Variants in FRMPD2 observed in about 807,000 individuals in gnomAD.
FRMPD2 encodes the protein FERM and PDZ domain-containing protein 2.
In FRMPD2, 96 loss-of-function variants were observed where a neutral mutation model predicts 140.1. The ratio of observed to expected loss-of-function variants is 0.69; its 90% CI spans 0.58 to 0.81. The LOEUF (loss-of-function observed/expected upper bound fraction) is 0.81. FRMPD2 is among the 40% of genes least tolerant of loss of function. The pLI is 0.00. For synonymous variants in FRMPD2, 449 were observed against 547.6 expected, an observed-to-expected ratio of 0.82 and a Z score of 2.52; for missense variants, 1,240 against 1,447.4, an observed-to-expected ratio of 0.86 and a Z score of 2.32.
chr10:48,186,228 G>A (rs138518188), intron 17 of FRMPD2, among the ~76,000 whole-genome samples: 2 of 152,308 alleles, frequency 1.3e-5, no homozygotes, highest in African/African-American at 2.4e-5. Context: ...GTGCCACAGT[G>A]TACTTGGGAA....
intron 13 of FRMPD2, among the ~76,000 whole-genome samples, chr10:48,209,790 T>C (rs1169123872): frequency 6.6e-6 from 1 of 152,172 alleles, no homozygotes; most frequent in Non-Finnish European, 1.5e-5. Flanking sequence ...GAAGCAGAAA[T>C]ACAGCTAAGA....
chr10:48,195,614 A>T (rs1838933520), intron 15 of FRMPD2, among the ~76,000 whole-genome samples: 1 of 152,224 alleles, frequency 6.6e-6, no homozygotes, highest in African/African-American at 2.4e-5. Flanking sequence ...CTGGTACCCA[A>T]CAATTACACT....
chr10:48,187,069 C>A, intron 17 of FRMPD2, 123 bp downstream of exon 17: 2 of 647,206 alleles, frequency 3.1e-6, no homozygotes, highest in Non-Finnish European at 2.7e-6. Flanking sequence ...GAAAACAATT[C>A]AAAAAACAAG....
intron 12 of FRMPD2, 60 bp downstream of exon 12, chr10:48,222,253 C>G: frequency 6.4e-7 from 1 of 1,569,098 alleles, no homozygotes; most frequent in East Asian, 2.2e-5. Flanking sequence ...AACACATGCC[C>G]TCATCCTGTA....
chr10:48,252,311 G>A (rs1840404257), intron 1 of FRMPD2, among the ~76,000 whole-genome samples: 1 of 152,138 alleles, frequency 6.6e-6, no homozygotes, highest in African/African-American at 2.4e-5. Context: ...CTCTCTTCTG[G>A]TAAGCAGGGC....
intron 22 of FRMPD2, chr10:48,176,437 C>T (rs543921849): frequency 6.4e-6 from 1 of 155,580 alleles, no homozygotes; most frequent in East Asian, 1.9e-4. Context: ...CATTTTTCTA[C>T]ATTCCACCAG....
chr10:48,190,284 T>C (rs1838797699), intron 16 of FRMPD2, among the ~76,000 whole-genome samples: 1 of 152,136 alleles, frequency 6.6e-6, no homozygotes, highest in African/African-American at 2.4e-5. Context: ...TTCTTGTCCA[T>C]CTTGGGAGCC....
In FRMPD2 at chr10:48,201,344, T is replaced by C; in HGVS notation, c.1838A>G (p.Lys613Arg). The C allele has an allele frequency of 1.2e-6, 2 of 1,613,912 alleles. No homozygotes were observed. The highest frequency in any genetic ancestry group is 2.2e-5 in the East Asian group (1 of 44,880). ...GGCTGAATCTGTGACAAATGTGTGC[T>C]TCTTCCCAGTGACACTGCTTGTGAT... ...FTITSSVTGKKHTFVTDSAKT... is the reference protein window; with the variant it reads ...FTITSSVTGKRHTFVTDSAKT... The change falls in exon 15 of 29, where the codon AAG (lysine) becomes AGG (arginine). Residue 613 changes from lysine (K) to arginine (R), a missense_variant. Lys to Arg is a conservative substitution (Grantham distance 26). Coordinates refer to ENST00000374201, the MANE Select transcript of FRMPD2 (RefSeq NM_001018071.4).
chr10:48,240,482 C>CT lies in FRMPD2; in HGVS notation c.577dup (p.Arg193LysfsTer70). On this transcript the variant is annotated frameshift_variant, in exon 6 of 29. Transcript: ENST00000374201. LOFTEE classifies it high-confidence loss of function. ...CACAGAGGAGCTTTCCTCCACAACT[C>CT]TTTTCTCCACCTGGGGGTCAAGTGC... The CT allele has an allele frequency of 6.2e-7, 1 of 1,613,820 alleles. No homozygotes were observed. The highest frequency in any genetic ancestry group is 8.5e-7 in the Non-Finnish European group (1 of 1,180,026).
At chr10:48,218,533 G>C (rs758401981) in intron 12 of FRMPD2, among the ~76,000 whole-genome samples, 4 of 151,862 alleles carry the variant, frequency 2.6e-5, no homozygotes, top group Non-Finnish European at 4.4e-5. Context: ...CTGCCTCCTA[G>C]GGTGACCATG....
At chr10:48,222,280 C>A in intron 12 of FRMPD2, 33 bp downstream of exon 12, 1 of 1,602,798 alleles carries the variant, frequency 6.2e-7, no homozygotes. Context: ...TTTCCAGTGA[C>A]CCCACACAAA....
rs377750742 is a variant in FRMPD2 at position 48,185,601 on chromosome 10, G to A, written c.2311C>T (p.Arg771Ter). The stretch of plus-strand genomic sequence containing the variant: ...TTCAGTGTCACACGTACAATTTCTC[G>A]GCCCGGTTCAGCTATAAAGCTCTTC... The part of the protein sequence containing the change: ...RRKSFIAEPG[R>*]EIVRVTLKRD... The change falls in exon 18 of 29, where the codon CGA (arginine) becomes TGA (stop). Residue 771 changes from arginine to a stop codon, truncating the protein, a stop_gained. Coordinates refer to ENST00000374201, the MANE Select transcript of FRMPD2 (RefSeq NM_001018071.4). LOFTEE classifies it high-confidence loss of function. 52 of 1,613,892 alleles carry A rather than the reference G, an allele frequency of 3.2e-5. No homozygotes were observed. Among genetic ancestry groups the A allele is most frequent in the Non-Finnish European group, 3.7e-5 (44 of 1,179,968 alleles).
chr10:48,273,885 T>TA (rs111236938), intron 1 of FRMPD2, among the ~76,000 whole-genome samples: 4,236 of 146,058 alleles, frequency 0.029, 181 homozygotes, highest in African/African-American at 0.097. Flanking sequence ...ATTGTTGCTT[T>TA]AAAAAAAAAA....
chr10:48,189,881 C>T (rs1206341655), intron 16 of FRMPD2, among the ~76,000 whole-genome samples: 17 of 152,202 alleles, frequency 1.1e-4, no homozygotes, highest in Admixed American at 1.1e-3. Context: ...TCACCACAGA[C>T]CAACCCATAT....
chr10:48,177,192 C>T (rs1292748806), intron 22 of FRMPD2: 2 of 151,012 alleles, frequency 1.3e-5, no homozygotes, highest in Non-Finnish European at 2.9e-5. Flanking sequence ...ACTGCAAACT[C>T]CCCCTCCCAG....
At chr10:48,196,990 G>T (rs993120170) in intron 15 of FRMPD2, among the ~76,000 whole-genome samples, 5 of 152,198 alleles carry the variant, frequency 3.3e-5, no homozygotes, top group African/African-American at 1.2e-4. Context: ...ACTGTTCTCA[G>T]CAATAGCAGG....
At chr10:48,189,286 G>A (rs990800319) in intron 16 of FRMPD2, among the ~76,000 whole-genome samples, 2 of 152,218 alleles carry the variant, frequency 1.3e-5, no homozygotes, top group African/African-American at 2.4e-5. Flanking sequence ...CCTAACTGGA[G>A]CCAGCGATGT....
chr10:48,237,692 A>G (rs555675988), intron 8 of FRMPD2, among the ~76,000 whole-genome samples: 3 of 152,188 alleles, frequency 2.0e-5, no homozygotes, highest in Non-Finnish European at 4.4e-5. Context: ...TTCTCGAATC[A>G]TGTAGCACGC....
At chr10:48,246,087 C>G (rs1840242181) in intron 3 of FRMPD2, among the ~76,000 whole-genome samples, 1 of 152,208 alleles carries the variant, frequency 6.6e-6, no homozygotes, top group Non-Finnish European at 1.5e-5. Context: ...AGAAAGTTCA[C>G]AAGCTGCACC....
Sources: gnomAD v4.1 joint callset for allele counts (sites outside exome capture counted in the v4.1 genomes callset) on GRCh38, gnomAD v4.1.1 for gene constraint, MANE v1.5 for transcripts, NCBI Gene and HGNC (gene_info 2026-07-23, HGNC 2026-07-21) for gene names.